Variants in ARHGAP28 observed in about 807,000 individuals in gnomAD.
The protein encoded by ARHGAP28 is rho GTPase-activating protein 28.
Under a neutral mutation model 90.7 loss-of-function variants are expected in ARHGAP28, and 56 were observed. The ratio of observed to expected loss-of-function variants is 0.62; its 90% CI spans 0.50 to 0.77. ARHGAP28 has a LOEUF of 0.77. Ranked by LOEUF, ARHGAP28 falls within the 30% of genes least tolerant of loss-of-function variation. The pLI is 0.00. For synonymous variants in ARHGAP28, 308 were observed against 323.3 expected (o/e 0.95, Z 0.51); for missense variants, 869 against 900.9 (o/e 0.96, Z 0.45).
At chr18:6,782,738 C>A (rs1159843290) in intron 1 of ARHGAP28, among the ~76,000 whole-genome samples, 5 of 150,186 alleles carry the variant, frequency 3.3e-5, no homozygotes, top group Non-Finnish European at 5.9e-5. Context: ...GCGTGAGCCA[C>A]CACACCCAGC....
intron 5 of ARHGAP28, among the ~76,000 whole-genome samples, chr18:6,863,048 A>G (rs551182816): frequency 7.9e-5 from 12 of 151,880 alleles, no homozygotes; most frequent in Middle Eastern, 3.4e-3. Flanking sequence ...TAATTTTATG[A>G]TTTTTCTCAG....
chr18:6,864,571 G>T (rs4798506), intron 5 of ARHGAP28, among the ~76,000 whole-genome samples: 76,236 of 152,032 alleles, frequency 0.5, 20,421 homozygotes, highest in Non-Finnish European at 0.61. Flanking sequence ...TAAATTATCT[G>T]TGATGGTAAA....
chr18:6,886,990 G>C (rs2057226876), intron 11 of ARHGAP28, among the ~76,000 whole-genome samples, 167 bp from the exon 12 acceptor site: 1 of 152,174 alleles, frequency 6.6e-6, no homozygotes, highest in African/African-American at 2.4e-5. Flanking sequence ...TTGATGGACA[G>C]AGGCTCCTGT....
chr18:6,834,995 A>T (rs1484429756), intron 2 of ARHGAP28, among the ~76,000 whole-genome samples: 2 of 152,262 alleles, frequency 1.3e-5, no homozygotes, highest in Non-Finnish European at 2.9e-5. Context: ...GCAGTCAGAT[A>T]TATGGAACTG....
At chr18:6,846,882 A>G (rs1232781225) in intron 3 of ARHGAP28, among the ~76,000 whole-genome samples, 1 of 152,206 alleles carries the variant, frequency 6.6e-6, no homozygotes. Context: ...CACTGGTCAC[A>G]TGAAATCGAC....
At chr18:6,908,484 C>T (rs555901049) in intron 16 of ARHGAP28, among the ~76,000 whole-genome samples, 1 of 152,292 alleles carries the variant, frequency 6.6e-6, no homozygotes, top group South Asian at 2.1e-4. Flanking sequence ...TGAAGTCAGC[C>T]TTAGACACCT....
At position 6,839,499 on chromosome 18, in the gene ARHGAP28, C is replaced by G. The variant is rs530186880; in HGVS notation, c.543+2085C>G. 4.6e-4 allele frequency among the ~76,000 whole-genome samples: 70 copies of G among 152,010 alleles called. 1 individual carries two copies. Among genetic ancestry groups the G allele is most frequent in the Middle Eastern group, 6.8e-3 (2 of 294 alleles). ...TTTGTAGTAGAGACAGGGTTTCACC[C>G]TGTTAGCCAGGATGGTCTCGATTTC... On this transcript the variant is annotated intron_variant, in intron 3 of 17. Coordinates refer to ENST00000383472, the MANE Select transcript of ARHGAP28 (RefSeq NM_001366230.1).
chr18:6,827,833 G>A (rs1241755237), intron 2 of ARHGAP28, among the ~76,000 whole-genome samples: 3 of 152,042 alleles, frequency 2.0e-5, no homozygotes, highest in East Asian at 2.0e-4. Context: ...ATGGGGTCGC[G>A]GCCGGACAGA....
rs545351346 is a variant in ARHGAP28 at position 6,911,024 on chromosome 18, T to C, written c.2096-1036T>C. On this transcript the variant is annotated intron_variant, in intron 17 of 17. Coordinates refer to ENST00000383472, the MANE Select transcript of ARHGAP28 (RefSeq NM_001366230.1). ...CACGCCCGGCTAATTTTGCTAGAGA[T>C]GGGGTTTCACTGAGTTTGCCAGGAT... is the stretch of plus-strand genomic sequence containing the variant. Among the ~76,000 whole-genome samples the C allele has an allele frequency of 3.4e-4, 51 of 152,110 alleles. No homozygotes were observed. In the East Asian group the frequency reaches 7.4e-3, roughly 22 times the overall value.
intron 1 of ARHGAP28, among the ~76,000 whole-genome samples, chr18:6,743,429 T>A (rs73380739): frequency 0.015 from 2,326 of 152,272 alleles, 49 homozygotes; most frequent in African/African-American, 0.053. Flanking sequence ...AACAAATGGT[T>A]AACTGTGGAG....
At chr18:6,776,040 C>G (rs890160635) in intron 1 of ARHGAP28, among the ~76,000 whole-genome samples, 13 of 152,070 alleles carry the variant, frequency 8.5e-5, no homozygotes, top group African/African-American at 3.1e-4. Context: ...CAAGTAGGAA[C>G]TTTTACAGAT....
intron 4 of ARHGAP28, among the ~76,000 whole-genome samples, chr18:6,853,474 A>ATT (rs34117123): frequency 0.045 from 6,595 of 146,244 alleles, 420 homozygotes; most frequent in African/African-American, 0.15. Context: ...TTGCCAATCA[A>ATT]TTTTTTTTTT....
chr18:6,879,268 G>A (rs768623151), intron 10 of ARHGAP28, among the ~76,000 whole-genome samples: 3 of 152,156 alleles, frequency 2.0e-5, no homozygotes, highest in Non-Finnish European at 2.9e-5. Context: ...TTTGACATGC[G>A]AGATTTTCTT....
intron 6 of ARHGAP28, 70 bp downstream of exon 6, chr18:6,868,304 A>G: frequency 2.9e-6 from 4 of 1,377,108 alleles, no homozygotes; most frequent in Non-Finnish European, 4.1e-6. Context: ...CAATACAGTT[A>G]GCAGTGAATT....
At chr18:6,753,935 A>C (rs2056089404) in intron 1 of ARHGAP28, among the ~76,000 whole-genome samples, 1 of 152,210 alleles carries the variant, frequency 6.6e-6, no homozygotes, top group Non-Finnish European at 1.5e-5. Context: ...ATTTGCTCAA[A>C]TTCTGGTCTG....
intron 9 of ARHGAP28, among the ~76,000 whole-genome samples, chr18:6,874,205 A>T (rs2057113339): frequency 1.3e-5 from 2 of 152,270 alleles, no homozygotes; most frequent in Admixed American, 1.3e-4. Flanking sequence ...GATATAGCAT[A>T]GGCTGGGTTT....
intron 1 of ARHGAP28, among the ~76,000 whole-genome samples, chr18:6,732,215 A>G (rs1282329251): frequency 6.6e-6 from 1 of 152,078 alleles, no homozygotes; most frequent in Admixed American, 6.6e-5. Context: ...TAGTAGCCCA[A>G]TAAATATTTG....
At chr18:6,894,408 T>A in intron 14 of ARHGAP28, among the ~76,000 whole-genome samples, 1 of 152,292 alleles carries the variant, frequency 6.6e-6, no homozygotes, top group African/African-American at 2.4e-5. Flanking sequence ...CCCTTTAACA[T>A]GAATGTAGCA....
intron 3 of ARHGAP28, among the ~76,000 whole-genome samples, chr18:6,841,146 CTCTCTCCTCTT>C: frequency 1.1e-4 from 14 of 128,118 alleles, no homozygotes; most frequent in African/African-American, 2.7e-4. Flanking sequence ...CTCTCACTGT[CTCTCTCCTCTT>C]TCTCTCTCTC....
Sources: allele counts gnomAD v4.1 joint callset (sites outside exome capture counted in the v4.1 genomes callset), GRCh38; gene constraint gnomAD v4.1.1; transcripts MANE v1.5; gene names NCBI Gene and HGNC (gene_info 2026-07-23, HGNC 2026-07-21).